The following ENTPD5 variants were observed in gnomAD, a reference collection of about 807,000 sequenced individuals.
ENTPD5 encodes the protein nucleoside diphosphate phosphatase ENTPD5.
A neutral mutation model predicts 60.2 loss-of-function variants in ENTPD5; 49 were observed. That is an observed-to-expected ratio of 0.81 (90% CI 0.65 to 1.03). The LOEUF is 1.03. Ranked by LOEUF, ENTPD5 falls within the 50% of genes least tolerant of loss-of-function variation. The pLI is 0.00. For missense variants in ENTPD5, 480 were observed against 507.6 expected, an observed-to-expected ratio of 0.95 and a Z score of 0.52; for synonymous variants, 187 against 185.4, an observed-to-expected ratio of 1.01 and a Z score of -0.07.
chr14:73,998,870 T>C (rs911945028), intron 3 of ENTPD5, among the ~76,000 whole-genome samples: 4 of 152,070 alleles, frequency 2.6e-5, no homozygotes, highest in African/African-American at 7.3e-5. Context: ...GTTGAAGAGA[T>C]AGATTGAGGT....
At chr14:73,992,033 T>G (rs2058158721) in intron 3 of ENTPD5, among the ~76,000 whole-genome samples, 1 of 151,340 alleles carries the variant, frequency 6.6e-6, no homozygotes, top group African/African-American at 2.4e-5. Flanking sequence ...ATAAAATATT[T>G]TCATATATAT....
intron 3 of ENTPD5, among the ~76,000 whole-genome samples, chr14:73,995,154 T>C (rs1339783747): frequency 1.3e-5 from 2 of 151,720 alleles, no homozygotes; most frequent in African/African-American, 4.8e-5. Context: ...GTTCAAGCGA[T>C]TCTCATGCCT....
At chr14:73,985,048 T>C (rs372147403) in intron 5 of ENTPD5, among the ~76,000 whole-genome samples, 8 of 152,340 alleles carry the variant, frequency 5.3e-5, no homozygotes, top group Middle Eastern at 3.4e-3. Context: ...GCTTCATACA[T>C]GTCCTTACAA....
chr14:73,987,125 TC>T, intron 4 of ENTPD5: 1 of 702,618 alleles, frequency 1.4e-6, no homozygotes, highest in Non-Finnish European at 2.6e-6. Flanking sequence ...CCTCCACCTT[TC>T]CCCAGGCTCC....
intron 3 of ENTPD5, among the ~76,000 whole-genome samples, chr14:74,007,384 GCTGGCGCATGC>G (rs1467513131): frequency 2.0e-5 from 3 of 152,130 alleles, no homozygotes; most frequent in African/African-American, 7.2e-5. Context: ...AGCTGGGCAT[GCTGGCGCATGC>G]CTGTAGTCTC....
At chr14:73,956,484 A>G (rs1291166443), downstream of ENTPD5, 3 of 156,166 alleles carry the variant, frequency 1.9e-5, no homozygotes, top group Non-Finnish European at 4.3e-5. Context: ...ACCAGTCTAT[A>G]AGGGTTCCAG....
intron 3 of ENTPD5, among the ~76,000 whole-genome samples, chr14:73,993,913 C>G (rs767458109): frequency 2.8e-5 from 3 of 107,590 alleles, no homozygotes; most frequent in Non-Finnish European, 5.7e-5. Flanking sequence ...TCTGTTTTCA[C>G]GAAAAAACAA....
chr14:73,966,635 G>A lies in ENTPD5; in HGVS notation c.*293C>T, dbSNP rs927231991. The A allele has an allele frequency of 3.2e-6, 1 of 312,064 alleles. No homozygotes were observed. Among genetic ancestry groups the A allele is most frequent in the African/African-American group, 2.2e-5 (1 of 45,886 alleles). 19.3% of individuals were successfully genotyped at this position (312,064 alleles called of 1,614,324 possible). On this transcript the variant is annotated 3_prime_UTR_variant, in exon 16 of 16. Transcript: ENST00000334696. ...TATTCAGTGGAATGAGGCACTCAAA[G>A]GGTTGAAATGCGATTTTTCTTTGGT... is the stretch of plus-strand genomic sequence containing the variant.
At chr14:74,008,070 G>A (rs1483883237) in intron 3 of ENTPD5, among the ~76,000 whole-genome samples, 1 of 151,936 alleles carries the variant, frequency 6.6e-6, no homozygotes, top group Non-Finnish European at 1.5e-5. Flanking sequence ...CTGACCTCAA[G>A]TGATGCGTCC....
chr14:73,971,802 A>T (rs201347007), intron 14 of ENTPD5, 50 bp downstream of exon 14: 179 of 1,265,056 alleles, frequency 1.4e-4, no homozygotes, highest in Middle Eastern at 1.8e-4. Flanking sequence ...TCACTAGAGT[A>T]GGCAGGCAGT....
intron 3 of ENTPD5, among the ~76,000 whole-genome samples, chr14:73,994,556 C>T (rs757442070): frequency 1.7e-4 from 26 of 151,746 alleles, no homozygotes; most frequent in Non-Finnish European, 2.9e-4. Context: ...AACATGGTGA[C>T]ACCCCATCTC....
intron 3 of ENTPD5, among the ~76,000 whole-genome samples, chr14:73,989,435 T>G (rs1389841143): frequency 1.3e-5 from 2 of 149,246 alleles, no homozygotes; most frequent in East Asian, 4.0e-4. Flanking sequence ...CGGTGGCTCA[T>G]GCCTGTAATC....
chr14:73,955,556 T>G (rs1262696336), downstream of ENTPD5: 3 of 1,558,104 alleles, frequency 1.9e-6, no homozygotes, highest in East Asian at 2.2e-5. Context: ...TGGTCTGTCT[T>G]AAGATATCGG....
downstream of ENTPD5, chr14:73,961,975 CT>C (rs1225875741): frequency 3.2e-6 from 5 of 1,563,300 alleles, no homozygotes; most frequent in African/African-American, 5.4e-5. Flanking sequence ...GAAACAGAGT[CT>C]TGGTCTTATC....
chr14:73,961,986 C>A, downstream of ENTPD5: 2 of 1,516,862 alleles, frequency 1.3e-6, no homozygotes, highest in Non-Finnish European at 1.8e-6. Flanking sequence ...TTGGTCTTAT[C>A]GCCCAGGATG....
At chr14:73,970,230 G>A (rs930619137) in intron 14 of ENTPD5, 105 bp from the exon 15 acceptor site, 17 of 722,158 alleles carry the variant, frequency 2.4e-5, no homozygotes, top group South Asian at 1.3e-4. Context: ...GGTGGCTCAC[G>A]CCTGTAATCC....
At chr14:73,987,664 C>T (rs1229511829) in intron 4 of ENTPD5, among the ~76,000 whole-genome samples, 1 of 151,760 alleles carries the variant, frequency 6.6e-6, no homozygotes, top group Non-Finnish European at 1.5e-5. Flanking sequence ...CAAAGCAAGA[C>T]CTTGTCTCAA....
In ENTPD5 at chr14:73,966,751, C is replaced by A; in HGVS notation, c.*177G>T. The stretch of plus-strand genomic sequence containing the variant: ...CAGGGCTCTCTGTGATGCTCTGGTG[C>A]CAGCTGTGTACTCTTGAGTGGTTAG... On this transcript the variant is annotated 3_prime_UTR_variant, in exon 16 of 16. Transcript: ENST00000334696. 3.7e-6 allele frequency: 2 copies of A among 546,320 alleles called. No individual in the cohort carries two copies. The highest frequency in any genetic ancestry group is 5.0e-5 in the South Asian group (2 of 40,288). 33.8% of individuals were successfully genotyped at this position (546,320 alleles called of 1,614,324 possible).
At chr14:74,001,699 A>AAAAAAAAAAG (rs2058516402) in intron 3 of ENTPD5, among the ~76,000 whole-genome samples, 1 of 118,222 alleles carries the variant, frequency 8.5e-6, no homozygotes, top group African/African-American at 3.2e-5. Flanking sequence ...AAAAAAAAAA[A>AAAAAAAAAAG]AAGCCAGGCA....
Sources: gnomAD v4.1 joint callset for allele counts (sites outside exome capture counted in the v4.1 genomes callset) on GRCh38, gnomAD v4.1.1 for gene constraint, MANE v1.5 for transcripts, NCBI Gene and HGNC (gene_info 2026-07-23, HGNC 2026-07-21) for gene names.